BEND7: variants seen among roughly 807,000 people sequenced by gnomAD.
BEND7 encodes BEN domain containing 7, also known as BEN domain-containing protein 7.
BEND7 carries 28 observed loss-of-function variants against 50.9 expected under a neutral mutation model. That is an observed-to-expected ratio of 0.55 (90% CI 0.41 to 0.75). BEND7 has a LOEUF of 0.75. BEND7 is among the 30% of genes least tolerant of loss of function. The pLI is 0.00. For synonymous variants in BEND7, 170 were observed against 183.9 expected, an observed-to-expected ratio of 0.92 and a Z score of 0.61; for missense variants, 477 against 491.3, an observed-to-expected ratio of 0.97 and a Z score of 0.28.
At chr10:13,500,721 T>G (rs1057227130) in intron 2 of BEND7, 7 of 985,480 alleles carry the variant, frequency 7.1e-6, no homozygotes, top group Non-Finnish European at 8.4e-6. Flanking sequence ...GCGCCGAGTG[T>G]GGCAGCATGG....
At chr10:13,490,786 T>C in intron 5 of BEND7, among the ~76,000 whole-genome samples, 1 of 152,164 alleles carries the variant, frequency 6.6e-6, no homozygotes, top group Middle Eastern at 3.2e-3. Context: ...ACTTGCCCAA[T>C]CCTATGATTT....
chr10:13,442,944 T>G (rs1392857419), intron 8 of BEND7: 2 of 152,182 alleles, frequency 1.3e-5, no homozygotes, highest in Non-Finnish European at 2.9e-5. Context: ...TCACAACTGC[T>G]CTCTCAGCAC....
intron 5 of BEND7, among the ~76,000 whole-genome samples, chr10:13,481,528 T>C (rs2075857125): frequency 2.0e-5 from 3 of 152,188 alleles, no homozygotes; most frequent in Admixed American, 2.0e-4. Flanking sequence ...CTCAGTGCAG[T>C]ACAGTTACAG....
chr10:13,508,250 C>A (rs946265596), intron 2 of BEND7, among the ~76,000 whole-genome samples: 3 of 152,228 alleles, frequency 2.0e-5, no homozygotes, highest in Admixed American at 1.3e-4. Context: ...ACACACAAGA[C>A]TGGGAGTCGA....
At chr10:13,521,013 G>A (rs1020815549) in intron 2 of BEND7, among the ~76,000 whole-genome samples, 5 of 152,122 alleles carry the variant, frequency 3.3e-5, no homozygotes, top group Admixed American at 3.3e-4. Flanking sequence ...GAGTATAATC[G>A]GACAAATCAG....
intron 2 of BEND7, among the ~76,000 whole-genome samples, chr10:13,507,268 C>T (rs1287342131): frequency 6.6e-6 from 1 of 152,174 alleles, no homozygotes; most frequent in African/African-American, 2.4e-5. Context: ...GAATTCCCAA[C>T]CCCTGAGGCA....
intron 4 of BEND7, among the ~76,000 whole-genome samples, chr10:13,493,612 GA>G (rs1428279744): frequency 1.3e-5 from 2 of 152,138 alleles, no homozygotes; most frequent in Non-Finnish European, 2.9e-5. Flanking sequence ...GTGAAATCTA[GA>G]AACAGTTCCA....
chr10:13,469,907 G>A (rs1275855710), intron 6 of BEND7, among the ~76,000 whole-genome samples: 3 of 152,136 alleles, frequency 2.0e-5, no homozygotes, highest in Non-Finnish European at 2.9e-5. Context: ...TTCCTGAGTC[G>A]TTCAGATTTT....
intron 6 of BEND7, among the ~76,000 whole-genome samples, chr10:13,479,503 C>T (rs1588853165): frequency 6.6e-6 from 1 of 151,944 alleles, no homozygotes; most frequent in African/African-American, 2.4e-5. Context: ...TAATATGCTG[C>T]CCTGGGGAAA....
intron 2 of BEND7, among the ~76,000 whole-genome samples, chr10:13,520,203 C>A (rs1422067098): frequency 6.6e-6 from 1 of 152,096 alleles, no homozygotes; most frequent in East Asian, 1.9e-4. Context: ...AATGACAATA[C>A]CTTCTCAGAG....
chr10:13,514,649 C>T lies in BEND7; in HGVS notation c.145+11489G>A, dbSNP rs144234527. ...GCCGGCACCAGGATCTCCCTCCCAG[C>T]GGAGAGTTAAGAAGAGGAACACTGA... On this transcript the variant is annotated intron_variant, in intron 2 of 8. Coordinates refer to ENST00000466271, the MANE Select transcript of BEND7 (RefSeq NM_001369863.1). Among the ~76,000 whole-genome samples the T allele has an allele frequency of 5.4e-3, 829 of 152,248 alleles. 2 individuals are homozygous for T. The highest frequency in any genetic ancestry group is 8.9e-3 in the Non-Finnish European group (605 of 68,010).
At chr10:13,489,505 C>G (rs564224001) in intron 5 of BEND7, among the ~76,000 whole-genome samples, 1 of 151,912 alleles carries the variant, frequency 6.6e-6, no homozygotes, top group African/African-American at 2.4e-5. Context: ...GCAAGCTGCC[C>G]GTAGAAAGCG....
intron 6 of BEND7, among the ~76,000 whole-genome samples, chr10:13,477,984 G>A (rs938507213): frequency 5.3e-5 from 8 of 152,148 alleles, no homozygotes; most frequent in African/African-American, 1.9e-4. Flanking sequence ...TAAGTTAACA[G>A]GAGAGAAGTA....
intron 2 of BEND7, among the ~76,000 whole-genome samples, chr10:13,511,812 C>T (rs1042864786): frequency 1.3e-5 from 2 of 152,124 alleles, no homozygotes; most frequent in Non-Finnish European, 2.9e-5. Context: ...ACATTTTACC[C>T]AGGAGATGCA....
chr10:13,485,950 C>T (rs1028526654), intron 5 of BEND7, among the ~76,000 whole-genome samples: 3 of 152,164 alleles, frequency 2.0e-5, no homozygotes, highest in African/African-American at 7.2e-5. Context: ...GGTGGGATCA[C>T]AGCTCACTGC....
At chr10:13,528,211 G>A (rs2132852109) in intron 1 of BEND7, among the ~76,000 whole-genome samples, 1 of 151,952 alleles carries the variant, frequency 6.6e-6, no homozygotes, top group East Asian at 1.9e-4. Flanking sequence ...GGAGGGCTCG[G>A]GCCCCCCGGT....
Position 13,496,842 on chromosome 10 carries a change from A to C in BEND7, c.495T>G (p.Thr165=), listed in dbSNP as rs1438378243. The C allele has an allele frequency of 6.2e-7, 1 of 1,612,920 alleles. No individual in the cohort carries two copies. Among genetic ancestry groups the C allele is most frequent in the South Asian group, 1.1e-5 (1 of 91,012 alleles). The change falls in exon 4 of 9, where the codon ACT becomes ACG. Residue 165 remains threonine, a synonymous_variant. Coordinates refer to ENST00000466271, the MANE Select transcript of BEND7 (RefSeq NM_001369863.1). ...CCTGCAACGTTGACTGGCAGTTACA[A>C]GTACAGCAGTTTGATCCAGCTGATG... ...VNSSAGSNCC[T]CNCQSTLQAI...
At chr10:13,503,916 C>T (rs117700323) in intron 2 of BEND7, among the ~76,000 whole-genome samples, 1 of 152,190 alleles carries the variant, frequency 6.6e-6, no homozygotes, top group African/African-American at 2.4e-5. Flanking sequence ...CTGAGTCACA[C>T]TCTCTTCACC....
At chr10:13,470,955 A>G (rs147748034) in intron 6 of BEND7, among the ~76,000 whole-genome samples, 10 of 152,322 alleles carry the variant, frequency 6.6e-5, no homozygotes, top group Admixed American at 2.6e-4. Context: ...CCAATGTTTT[A>G]TTGAATTTAA....
Sources: gnomAD v4.1 joint callset for allele counts (sites outside exome capture counted in the v4.1 genomes callset) on GRCh38, gnomAD v4.1.1 for gene constraint, MANE v1.5 for transcripts, NCBI Gene and HGNC (gene_info 2026-07-23, HGNC 2026-07-21) for gene names.